Variants in ZNF91 observed in about 807,000 individuals in gnomAD.
ZNF91 encodes zinc finger protein 91.
Under a neutral mutation model 12.6 loss-of-function variants are expected in ZNF91, and 7 were observed. The ratio of observed to expected loss-of-function variants is 0.55; its 90% CI spans 0.31 to 1.04. The LOEUF (loss-of-function observed/expected upper bound fraction) is 1.04. Ranked by LOEUF, ZNF91 falls within the 50% of genes least tolerant of loss-of-function variation. ZNF91 has a pLI of 0.05. For missense variants in ZNF91, 1,217 were observed against 1,385.4 expected (o/e 0.88, Z 1.93); for synonymous variants, 453 against 462.6 (o/e 0.98, Z 0.27).
At chr19:23,382,209 C>G (rs978062189) in intron 1 of ZNF91, among the ~76,000 whole-genome samples, 9 of 152,062 alleles carry the variant, frequency 5.9e-5, no homozygotes, top group Non-Finnish European at 1.0e-4. Flanking sequence ...CTAATTAAGC[C>G]TCTTATTTCT....
intron 1 of ZNF91, chr19:23,328,823 G>A (rs1397359178): frequency 6.6e-6 from 1 of 152,210 alleles, no homozygotes; most frequent in South Asian, 2.1e-4. Flanking sequence ...GTGTGGGGAA[G>A]GGATAGATAA....
chr19:23,343,278 T>C (rs1968159924), intron 3 of ZNF91, among the ~76,000 whole-genome samples: 1 of 152,206 alleles, frequency 6.6e-6, no homozygotes, highest in Non-Finnish European at 1.5e-5. Context: ...TGTTAAAATA[T>C]GGATTCCAAT....
intron 3 of ZNF91, among the ~76,000 whole-genome samples, chr19:23,340,349 T>C (rs960927821): frequency 6.6e-6 from 1 of 151,982 alleles, no homozygotes; most frequent in Non-Finnish European, 1.5e-5. Context: ...AGAACAGACA[T>C]TACAATGGAT....
chr19:23,360,143 C>G lies in ZNF91; in HGVS notation c.2836G>C (p.Ala946Pro), dbSNP rs1388802181. ...GTAAGGGTTGAGGATTGGCTAAAAG[C>G]TTTGCCACATTCTTCACATTTGTAG... is the stretch of plus-strand genomic sequence containing the variant. ...KPYKCEECGKAFSQSSTLTTH... is the reference protein window; with the variant it reads ...KPYKCEECGKPFSQSSTLTTH... Residue 946 changes from alanine (A) to proline (P), a missense_variant, in exon 4 of 4, where the codon GCT becomes CCT. Physicochemically the swap from Ala to Pro is conservative, Grantham distance 27. Around this residue, in one of 2 missense-constraint regions of ZNF91, gnomAD observed 491 missense variants for 489.8 expected, o/e 1.00. Coordinates refer to ENST00000300619, the MANE Select transcript of ZNF91 (RefSeq NM_003430.4). The G allele has an allele frequency of 1.9e-6, 3 of 1,613,674 alleles. No homozygotes were observed. Among genetic ancestry groups the G allele is most frequent in the Non-Finnish European group, 2.5e-6 (3 of 1,180,024 alleles).
At chr19:23,340,886 C>G (rs1238677120) in intron 3 of ZNF91, among the ~76,000 whole-genome samples, 1 of 151,124 alleles carries the variant, frequency 6.6e-6, no homozygotes, top group Non-Finnish European at 1.5e-5. Context: ...AACTAATATT[C>G]AGTACTTACA....
At chr19:23,310,949 C>T (rs535768993), upstream of ZNF91, among the ~76,000 whole-genome samples, 15 of 152,272 alleles carry the variant, frequency 9.9e-5, no homozygotes, top group African/African-American at 3.1e-4. Context: ...TTGCTTGGAC[C>T]GTCCCCACAG....
At chr19:23,382,145 T>A (rs1833574621) in intron 1 of ZNF91, among the ~76,000 whole-genome samples, 3 of 152,046 alleles carry the variant, frequency 2.0e-5, no homozygotes, top group Admixed American at 2.0e-4. Context: ...ATACGTAATC[T>A]AAATGTTATA....
At chr19:23,305,916 T>C (rs1323775085) in intron 3 of ZNF91, among the ~76,000 whole-genome samples, 1 of 152,238 alleles carries the variant, frequency 6.6e-6, no homozygotes, top group Non-Finnish European at 1.5e-5. Context: ...AAAAACATTC[T>C]ATACCTATGT....
intron 1 of ZNF91, chr19:23,326,656 A>C (rs1293507602): frequency 6.6e-6 from 1 of 152,170 alleles, no homozygotes; most frequent in Non-Finnish European, 1.5e-5. Context: ...ATAAAAATGA[A>C]ATTTTTGAAG....
At chr19:23,323,257 C>G (rs1568367956) in intron 1 of ZNF91, among the ~76,000 whole-genome samples, 1 of 147,460 alleles carries the variant, frequency 6.8e-6, no homozygotes. Flanking sequence ...CTCCTCTCCT[C>G]CTGTTCCTTT....
At chr19:23,327,529 C>T (rs910038504) in intron 1 of ZNF91, 3 of 151,934 alleles carry the variant, frequency 2.0e-5, no homozygotes, top group Admixed American at 6.6e-5. Flanking sequence ...AAGATGAAAT[C>T]CTGATTGATT....
chr19:23,365,279 A>C lies in ZNF91; in HGVS notation c.254-2554T>G, dbSNP rs1189383176. Reference sequence around the variant, plus strand: ...AAAATAAAAAGTGAGCGTGTTCATCACCACTAGCACAGTTCTACAAAAAAA... The same window carrying C: ...AAAATAAAAAGTGAGCGTGTTCATCCCCACTAGCACAGTTCTACAAAAAAA... On this transcript the variant is annotated intron_variant, in intron 3 of 3. Coordinates refer to ENST00000300619, the MANE Select transcript of ZNF91 (RefSeq NM_003430.4). Among the ~76,000 whole-genome samples the C allele has an allele frequency of 6.1e-5, 9 of 146,590 alleles. No individual in the cohort carries two copies. The South Asian group carries it at 1.5e-3, about 25-fold the overall frequency.
chr19:23,355,881 CAACA>C (rs890946827), downstream of ZNF91, among the ~76,000 whole-genome samples: 1 of 151,978 alleles, frequency 6.6e-6, no homozygotes, highest in Non-Finnish European at 1.5e-5. Flanking sequence ...TACAAATGGC[CAACA>C]AACATATAAA....
chr19:23,373,871 C>T (rs960607381), intron 2 of ZNF91, 34 bp from the exon 3 acceptor site: 2 of 1,513,962 alleles, frequency 1.3e-6, no homozygotes, highest in Non-Finnish European at 1.8e-6. Context: ...ATGAGTCTTG[C>T]TCATATTCTC....
rs544558654 is a variant in ZNF91, at chr19:23,374,314, C to T, written c.157+324G>A. On this transcript the variant is annotated intron_variant, in intron 2 of 3. Transcript: ENST00000300619. ...ATCCCAGCACTCTGGGAGGCCAAGG[C>T]GGGCAGATCATGAGGTCAGGAGATC... Among the ~76,000 whole-genome samples, 173 of 148,250 alleles carry T rather than the reference C, an allele frequency of 1.2e-3. 3 individuals carry two copies. The Middle Eastern group carries it at 0.014, about 12-fold the overall frequency.
chr19:23,323,213 A>T (rs1390037900), intron 1 of ZNF91, among the ~76,000 whole-genome samples: 3 of 123,386 alleles, frequency 2.4e-5, no homozygotes, highest in Non-Finnish European at 5.1e-5. Context: ...TCTTCCTCTT[A>T]CTTTTCCTTT....
chr19:23,373,434 TAATTAGCAAAATGTAAAATGCAAAA>T (rs1305484648), intron 3 of ZNF91, among the ~76,000 whole-genome samples: 4 of 148,420 alleles, frequency 2.7e-5, no homozygotes, highest in Non-Finnish European at 4.5e-5. Context: ...TACACTCAGT[TAATTAGCAAAATGTAAAATGCAAAA>T]AATTAGCAAA....
intron 3 of ZNF91, among the ~76,000 whole-genome samples, chr19:23,370,001 TA>T (rs60615373): frequency 0.08 from 8,605 of 107,750 alleles, 267 homozygotes; most frequent in East Asian, 0.21. Context: ...GAATGATCAA[TA>T]AAAAAAAAAA....
chr19:23,329,400 G>C lies in ZNF91; in HGVS notation n.117-20303C>G, dbSNP rs116557796. 4.0e-3 allele frequency among the ~76,000 whole-genome samples: 614 copies of C among 152,266 alleles called. 9 individuals carry two copies. Among genetic ancestry groups the C allele is most frequent in the African/African-American group, 0.014 (590 of 41,546 alleles). ...AGCATCAGAACTCCTTTCAAGGCCT[G>C]ATTTTTCAAGTCATTTCTTAATTGA... On this transcript the variant is annotated intron_variant and non_coding_transcript_variant, in intron 1 of 1. Coordinates refer to the ZNF91 transcript ENST00000596528.
Sources: gnomAD v4.1 joint callset for allele counts (sites outside exome capture counted in the v4.1 genomes callset) on GRCh38, gnomAD v4.1.1 for gene constraint, gnomAD v4.1.1 regional missense constraint, MANE v1.5 for transcripts, NCBI Gene and HGNC (gene_info 2026-07-23, HGNC 2026-07-21) for gene names.